The following ANO4 variants were observed in gnomAD, a reference collection of about 807,000 sequenced individuals.
ANO4 encodes the protein anoctamin 4.
In ANO4, 69 loss-of-function variants were observed where a neutral mutation model predicts 141.9. That is an observed-to-expected ratio of 0.49 (90% CI 0.40 to 0.59). ANO4 has a LOEUF of 0.59. Ranked by LOEUF, ANO4 falls within the 20% of genes least tolerant of loss-of-function variation. ANO4 has a pLI of 0.00. For synonymous variants in ANO4, 350 were observed against 394.3 expected, an observed-to-expected ratio of 0.89 and a Z score of 1.33; for missense variants, 894 against 1,162.2, an observed-to-expected ratio of 0.77 and a Z score of 3.36.
intron 1 of ANO4, among the ~76,000 whole-genome samples, chr12:100,878,474 G>A (rs80004572): frequency 1.7e-3 from 266 of 152,154 alleles, no homozygotes; most frequent in African/African-American, 6.2e-3. Flanking sequence ...CTAAATGAGG[G>A]CCCCACTCAT....
At chr12:100,813,795 G>A (rs575417270) in intron 1 of ANO4, among the ~76,000 whole-genome samples, 21 of 152,296 alleles carry the variant, frequency 1.4e-4, no homozygotes, top group Middle Eastern at 3.4e-3. Flanking sequence ...CAATGTTTAT[G>A]TATGCCATAA....
intron 8 of ANO4, among the ~76,000 whole-genome samples, chr12:100,988,041 A>C (rs2044801230): frequency 6.6e-6 from 1 of 151,984 alleles, no homozygotes; most frequent in Non-Finnish European, 1.5e-5. Flanking sequence ...AGTGGCCTAC[A>C]CCTTTTCCCA....
Position 100,739,775 on chromosome 12 carries a change from A to G in ANO4, c.107-79A>G, listed in dbSNP as rs546814645. 15 of 672,504 alleles carry G rather than the reference A, an allele frequency of 2.2e-5. No individual in the cohort carries two copies. The East Asian group carries it at 3.5e-4, about 16-fold the overall frequency. 41.7% of individuals were successfully genotyped at this position (672,504 alleles called of 1,614,324 possible). A position where few individuals can be genotyped will look rare whatever the true frequency, so the allele number is the denominator to read the frequency against. ...TGGTATTTGGTTTGACTAACAGCTAAGATTTTGGGGAAGTATGAAAATAAG... is the reference window on the plus strand; with the variant it reads ...TGGTATTTGGTTTGACTAACAGCTAGGATTTTGGGGAAGTATGAAAATAAG... On this transcript the variant is annotated intron_variant, in intron 2 of 29. Transcript: ENST00000644049.
intron 22 of ANO4, among the ~76,000 whole-genome samples, chr12:101,104,366 T>A (rs555395204): frequency 6.6e-6 from 1 of 151,710 alleles, no homozygotes; most frequent in East Asian, 1.9e-4. Flanking sequence ...ATGTTCTCTA[T>A]AAATACTGCT....
intron 2 of ANO4, among the ~76,000 whole-genome samples, chr12:100,734,224 A>G (rs2031512745): frequency 6.6e-6 from 1 of 152,346 alleles, no homozygotes; most frequent in African/African-American, 2.4e-5. Context: ...AAATAAGTGC[A>G]AATTGAAAAT....
intron 7 of ANO4, among the ~76,000 whole-genome samples, chr12:100,976,966 A>G (rs2044223695): frequency 6.6e-6 from 1 of 152,168 alleles, no homozygotes; most frequent in African/African-American, 2.4e-5. Context: ...GGAACAGAGC[A>G]CATTGGGGTC....
intron 2 of ANO4, among the ~76,000 whole-genome samples, chr12:100,907,847 CTT>C (rs1284668776): frequency 3.3e-5 from 5 of 152,218 alleles, no homozygotes; most frequent in Non-Finnish European, 7.3e-5. Flanking sequence ...ATTGCTATCT[CTT>C]TGAAAATGCA....
chr12:100,751,440 C>G (rs1000014748), intron 3 of ANO4, among the ~76,000 whole-genome samples: 1 of 152,080 alleles, frequency 6.6e-6, no homozygotes, highest in African/African-American at 2.4e-5. Context: ...CAAAGAGGCA[C>G]CTAACAGATT....
rs1555275764 is a variant in ANO4 at position 101,011,335 on chromosome 12, T to TTG, written c.735-8699_735-8698insTG. Among the ~76,000 whole-genome samples, 12 of 150,706 alleles carry TTG rather than the reference T, an allele frequency of 8.0e-5. 1 individual carries two copies. The highest frequency in any genetic ancestry group is 1.2e-4 in the Non-Finnish European group (8 of 67,702). On this transcript the variant is annotated intron_variant, in intron 8 of 27. Transcript: ENST00000392977. ...CCTTTTTTCTTTTTTTTTTTTTTTT[T>TTG]GCAATCTACCACAGACTGCTGTCTG...
chr12:100,956,740 A>T (rs1200809088), intron 5 of ANO4, among the ~76,000 whole-genome samples: 1 of 152,212 alleles, frequency 6.6e-6, no homozygotes, highest in African/African-American at 2.4e-5. Flanking sequence ...AACCTGTTAC[A>T]GGCGTTCGCT....
chr12:100,863,330 A>G (rs189012767), intron 1 of ANO4, among the ~76,000 whole-genome samples: 1 of 152,344 alleles, frequency 6.6e-6, no homozygotes, highest in East Asian at 1.9e-4. Context: ...TCACCAGAAC[A>G]GAAAAAGGGT....
chr12:101,101,702 A>G (rs2050194297), intron 22 of ANO4, among the ~76,000 whole-genome samples: 1 of 152,112 alleles, frequency 6.6e-6, no homozygotes, highest in Admixed American at 6.6e-5. Flanking sequence ...AAAAAAGGCA[A>G]ATTCACTTGT....
chr12:101,122,695 T>A (rs1302654519), intron 26 of ANO4, among the ~76,000 whole-genome samples: 2 of 152,150 alleles, frequency 1.3e-5, no homozygotes, highest in African/African-American at 4.8e-5. Context: ...TTTCTAAATG[T>A]CTCCAATTAT....
intron 23 of ANO4, 97 bp downstream of exon 23, chr12:101,110,653 C>T: frequency 8.9e-7 from 1 of 1,119,214 alleles, no homozygotes; most frequent in Non-Finnish European, 1.2e-6. Flanking sequence ...TTATGTTTTC[C>T]ATTTAATATA....
At chr12:100,878,251 G>A (rs2135948058) in intron 1 of ANO4, among the ~76,000 whole-genome samples, 1 of 152,312 alleles carries the variant, frequency 6.6e-6, no homozygotes, top group South Asian at 2.1e-4. Flanking sequence ...ATGCCAAGCA[G>A]TAAGGAAGAT....
intron 1 of ANO4, among the ~76,000 whole-genome samples, chr12:100,821,699 T>C (rs7136752): frequency 0.11 from 17,346 of 152,034 alleles, 1,489 homozygotes; most frequent in African/African-American, 0.22. Flanking sequence ...AGCAGTGTGG[T>C]ACTCCAGACC....
At chr12:100,801,105 CT>C (rs1730500071) in intron 1 of ANO4, among the ~76,000 whole-genome samples, 3 of 151,422 alleles carry the variant, frequency 2.0e-5, no homozygotes, top group Non-Finnish European at 4.4e-5. Flanking sequence ...CTCTCTCTCT[CT>C]CTCTCTCTCT....
At chr12:100,889,900 TGAA>T (rs2040021129) in intron 1 of ANO4, among the ~76,000 whole-genome samples, 1 of 152,176 alleles carries the variant, frequency 6.6e-6, no homozygotes, top group Admixed American at 6.5e-5. Flanking sequence ...TAAATTAATT[TGAA>T]GAATAAATGA....
At chr12:100,755,024 T>C (rs1017032947) in intron 3 of ANO4, among the ~76,000 whole-genome samples, 1 of 152,184 alleles carries the variant, frequency 6.6e-6, no homozygotes, top group African/African-American at 2.4e-5. Context: ...ATGTCACTAA[T>C]GGTAAATTTG....
Sources: gnomAD v4.1 joint callset for allele counts (sites outside exome capture counted in the v4.1 genomes callset) on GRCh38, gnomAD v4.1.1 for gene constraint, MANE v1.5 for transcripts, NCBI Gene and HGNC (gene_info 2026-07-23, HGNC 2026-07-21) for gene names.